ZNF487: variants seen among roughly 807,000 people sequenced by gnomAD.
The protein encoded by ZNF487 is zinc finger protein 487.
ZNF487 carries 4 observed loss-of-function variants against 3.0 expected under a neutral mutation model. The ratio of observed to expected loss-of-function variants is 1.35; its 90% CI spans 0.66 to 3.08. The LOEUF (loss-of-function observed/expected upper bound fraction) is 3.08. ZNF487 is among the 30% of genes most tolerant of loss of function. The probability of loss-of-function intolerance (pLI) is 0.01; values close to 1 mark genes in which losing one functional copy is unlikely to be tolerated. For missense variants in ZNF487, 146 were observed against 98.7 expected, an observed-to-expected ratio of 1.48 and a Z score of -2.03; for synonymous variants, 55 against 34.6, an observed-to-expected ratio of 1.59 and a Z score of -2.06.
intron 1 of ZNF487, among the ~76,000 whole-genome samples, chr10:43,448,975 C>T (rs1481338588): frequency 8.0e-6 from 1 of 125,774 alleles, no homozygotes; most frequent in Admixed American, 9.8e-5. Context: ...GGCTGGGTGA[C>T]AGAGTAAGAA....
chr10:43,454,300 C>T (rs575048751), intron 1 of ZNF487: 1 of 152,394 alleles, frequency 6.6e-6, no homozygotes, highest in Non-Finnish European at 1.5e-5. Context: ...ATCCTCCCGC[C>T]TTAGCCTCCC....
Position 43,475,810 on chromosome 10 carries a change from C to T in ZNF487, c.-4C>T. ...CTGCTCAGAGGACCCCGTACAGAGA[C>T]ATGATGCTGGAGAACTACAGCCTCC... On this transcript the variant is annotated 5_prime_UTR_variant, in exon 2 of 4. Transcript: ENST00000437590. The T allele has an allele frequency of 1.3e-6, 1 of 780,428 alleles. No homozygotes were observed. The highest frequency in any genetic ancestry group is 2.4e-6 in the Non-Finnish European group (1 of 417,906). 48.3% of individuals were successfully genotyped at this position (780,428 alleles called of 1,614,324 possible).
intron 1 of ZNF487, among the ~76,000 whole-genome samples, chr10:43,447,819 T>C (rs1839866233): frequency 6.6e-6 from 1 of 152,066 alleles, no homozygotes; most frequent in Non-Finnish European, 1.5e-5. Flanking sequence ...AATCTATCTT[T>C]TCAACTCAAG....
chr10:43,505,067 G>A, the ZNF487 span, among the ~76,000 whole-genome samples: 1 of 151,834 alleles, frequency 6.6e-6, no homozygotes, highest in African/African-American at 2.4e-5. Flanking sequence ...GGAGTGCAGT[G>A]GCTATTCACA....
intron 1 of ZNF487, among the ~76,000 whole-genome samples, chr10:43,475,461 G>A (rs1050403383): frequency 6.6e-6 from 1 of 151,476 alleles, no homozygotes; most frequent in Non-Finnish European, 1.5e-5. Flanking sequence ...GTTGCAGTGA[G>A]TTGTGATCAT....
intron 1 of ZNF487, among the ~76,000 whole-genome samples, chr10:43,438,637 G>A (rs549636873): frequency 6.6e-6 from 1 of 152,300 alleles, no homozygotes; most frequent in Admixed American, 6.5e-5. Context: ...CTGAATCCAA[G>A]AGAAATGAAA....
chr10:43,443,030 T>C (rs1275639168), intron 1 of ZNF487, among the ~76,000 whole-genome samples: 1 of 151,818 alleles, frequency 6.6e-6, no homozygotes, highest in East Asian at 1.9e-4. Flanking sequence ...GAGCTTATGT[T>C]CTATGACCTT....
chr10:43,460,223 T>C (rs1308612500), intron 1 of ZNF487, among the ~76,000 whole-genome samples: 2 of 152,174 alleles, frequency 1.3e-5, no homozygotes, highest in African/African-American at 4.8e-5. Flanking sequence ...TGGATTGAGT[T>C]AATTTTATTA....
At position 43,481,955 on chromosome 10, in the gene ZNF487, G is replaced by C; in HGVS notation, c.*33G>C. 1.6e-6 allele frequency: 1 copy of C among 611,004 alleles called. No individual in the cohort carries two copies. Among genetic ancestry groups the C allele is most frequent in the South Asian group, 2.0e-5 (1 of 51,008 alleles). 37.8% of individuals were successfully genotyped at this position (611,004 alleles called of 1,614,324 possible). A position where few individuals can be genotyped will look rare whatever the true frequency, so the allele number is the denominator to read the frequency against. On this transcript the variant is annotated 3_prime_UTR_variant, in exon 4 of 4. Transcript: ENST00000437590. ...GAACATGTGAGAGCCTTTTCCGATA[G>C]ACCAATATTCATTGTTCATCAGAGA...
At chr10:43,477,477 G>C (rs1841143799) in intron 3 of ZNF487, among the ~76,000 whole-genome samples, 1 of 152,054 alleles carries the variant, frequency 6.6e-6, no homozygotes, top group Admixed American at 6.6e-5. Context: ...TTACAGGTGT[G>C]AGCCACTGCG....
the ZNF487 span, among the ~76,000 whole-genome samples, chr10:43,494,348 TA>T: frequency 3.9e-5 from 6 of 152,262 alleles, 1 homozygote; most frequent in Admixed American, 3.9e-4. Context: ...TTGGAAAATG[TA>T]AAAAATGTAA....
chr10:43,519,331 T>G, the ZNF487 span, among the ~76,000 whole-genome samples: 1 of 152,196 alleles, frequency 6.6e-6, no homozygotes, highest in Non-Finnish European at 1.5e-5. Flanking sequence ...ATATTTGTTA[T>G]GATCTTGCTC....
the ZNF487 span, among the ~76,000 whole-genome samples, chr10:43,501,376 T>G: frequency 6.6e-6 from 1 of 152,172 alleles, no homozygotes; most frequent in Admixed American, 6.5e-5. Flanking sequence ...GCTACACTGT[T>G]TATAAAAAAT....
chr10:43,482,307 C>T lies in ZNF487; in HGVS notation c.*385C>T. 1 of 405,764 alleles carries T rather than the reference C, an allele frequency of 2.5e-6. No homozygotes were observed. The highest frequency in any genetic ancestry group is 4.8e-6 in the Non-Finnish European group (1 of 207,550). The allele number at this position is 405,764 out of a possible 1,614,324, so 25.1% of individuals were successfully genotyped here. A position where few individuals can be genotyped will look rare whatever the true frequency, so the allele number is the denominator to read the frequency against. The stretch of plus-strand genomic sequence containing the variant: ...CCAAAGCATTCTGTATATCAGAAAA[C>T]AGATACAGAAGAAAAACTCTATGAA... On this transcript the variant is annotated 3_prime_UTR_variant, in exon 4 of 4. Coordinates refer to ENST00000437590, the MANE Select transcript of ZNF487 (RefSeq NM_001355444.3).
chr10:43,465,476 C>T (rs866782257), intron 1 of ZNF487, among the ~76,000 whole-genome samples: 5 of 151,122 alleles, frequency 3.3e-5, no homozygotes, highest in Non-Finnish European at 7.4e-5. Context: ...TCAGACGGGG[C>T]GGCCGGGCAG....
chr10:43,488,164 A>T (rs565853463), downstream of ZNF487, among the ~76,000 whole-genome samples: 2 of 152,050 alleles, frequency 1.3e-5, no homozygotes, highest in African/African-American at 4.8e-5. Context: ...TAAATAGATA[A>T]ATTACTTATG....
At chr10:43,439,643 G>T (rs1839512195) in intron 1 of ZNF487, among the ~76,000 whole-genome samples, 8 of 152,114 alleles carry the variant, frequency 5.3e-5, no homozygotes, top group Admixed American at 5.2e-4. Flanking sequence ...GGTGGAGGTT[G>T]CAGTGAGCCG....
chr10:43,498,568 G>A, the ZNF487 span, among the ~76,000 whole-genome samples: 1 of 150,384 alleles, frequency 6.6e-6, no homozygotes, highest in Non-Finnish European at 1.5e-5. Flanking sequence ...GTGAGCCACC[G>A]TGCCCAGTCC....
intron 1 of ZNF487, among the ~76,000 whole-genome samples, chr10:43,473,576 T>C (rs1179106617): frequency 2.6e-5 from 4 of 151,990 alleles, no homozygotes; most frequent in African/African-American, 9.7e-5. Flanking sequence ...TGGAGTGCAG[T>C]GGCGCGATCT....
Sources: allele counts gnomAD v4.1 joint callset (sites outside exome capture counted in the v4.1 genomes callset), GRCh38; gene constraint gnomAD v4.1.1; transcripts MANE v1.5; gene names NCBI Gene and HGNC (gene_info 2026-07-23, HGNC 2026-07-21).